The following HMBOX1 variants were observed in gnomAD, a reference collection of about 807,000 sequenced individuals.
The protein encoded by HMBOX1 is homeobox-containing protein 1.
Under a neutral mutation model 54.5 loss-of-function variants are expected in HMBOX1, and 14 were observed. That is an observed-to-expected ratio of 0.26 (90% CI 0.17 to 0.40). HMBOX1 has a LOEUF of 0.40. Among genes scored for constraint, HMBOX1 ranks in the 10% least tolerant of loss-of-function variants. The pLI is 1.00. For missense variants in HMBOX1, 332 were observed against 514.4 expected, an observed-to-expected ratio of 0.65 and a Z score of 3.43; for synonymous variants, 160 against 181.0, an observed-to-expected ratio of 0.88 and a Z score of 0.93.
At chr8:29,042,574 G>C in intron 6 of HMBOX1, 1 of 452,826 alleles carries the variant, frequency 2.2e-6, no homozygotes, top group Non-Finnish European at 4.4e-6. Flanking sequence ...GAGGGTTCCA[G>C]TTAAGGTTGA....
intron 4 of HMBOX1, among the ~76,000 whole-genome samples, chr8:28,995,843 C>A (rs1210045750): frequency 6.6e-6 from 1 of 152,188 alleles, no homozygotes; most frequent in African/African-American, 2.4e-5. Context: ...TGGCTCACGC[C>A]TGTAATCCCA....
intron 6 of HMBOX1, among the ~76,000 whole-genome samples, chr8:29,020,918 T>G (rs772971570): frequency 2.6e-5 from 4 of 152,224 alleles, no homozygotes; most frequent in African/African-American, 4.8e-5. Flanking sequence ...GGTTCACACC[T>G]ATAATTTCAG....
At chr8:28,896,449 C>G (rs1191604057) in intron 1 of HMBOX1, among the ~76,000 whole-genome samples, 1 of 149,552 alleles carries the variant, frequency 6.7e-6, no homozygotes, top group African/African-American at 2.4e-5. Context: ...TTGAATGATT[C>G]TCCTCCTCTT....
At chr8:28,898,415 C>T (rs1812577829) in intron 1 of HMBOX1, among the ~76,000 whole-genome samples, 1 of 152,058 alleles carries the variant, frequency 6.6e-6, no homozygotes, top group South Asian at 2.1e-4. Flanking sequence ...TTCTATTTGT[C>T]TTGGTGTACG....
intron 6 of HMBOX1, among the ~76,000 whole-genome samples, chr8:29,028,110 C>T (rs1417057372): frequency 6.6e-6 from 1 of 152,098 alleles, no homozygotes; most frequent in Admixed American, 6.5e-5. Flanking sequence ...AAAATATTCT[C>T]CCGGGCAAGG....
intron 6 of HMBOX1, among the ~76,000 whole-genome samples, chr8:29,024,807 G>A (rs1026065990): frequency 1.3e-5 from 2 of 152,104 alleles, no homozygotes; most frequent in African/African-American, 4.8e-5. Context: ...TTAGAGCAGG[G>A]GTCCCTAACC....
At chr8:28,897,606 G>A (rs1812400572) in intron 1 of HMBOX1, among the ~76,000 whole-genome samples, 1 of 152,172 alleles carries the variant, frequency 6.6e-6, no homozygotes, top group African/African-American at 2.4e-5. Flanking sequence ...AACCTGGGAG[G>A]CGGAGGTTGC....
chr8:28,970,120 G>C lies in HMBOX1; in HGVS notation c.101G>C (p.Arg34Pro). 6.2e-7 allele frequency: 1 copy of C among 1,613,876 alleles called. No homozygotes were observed. Among genetic ancestry groups the C allele is most frequent in the Non-Finnish European group, 8.5e-7 (1 of 1,179,936 alleles). ...CAGATAGATCTGCTTCAGCGACTTCGGCGTACTGGAATGACTAAACATGAA... is the reference window on the plus strand; with the variant it reads ...CAGATAGATCTGCTTCAGCGACTTCCGCGTACTGGAATGACTAAACATGAA... ...IEQIDLLQRL[R>P]RTGMTKHEIL... Residue 34 changes from arginine to proline, a missense_variant, in exon 3 of 10, where the codon CGG becomes CCG. Physicochemically the swap from Arg to Pro is moderately radical, Grantham distance 103. Transcript: ENST00000287701. The surrounding 1 kb of genome is among the most constrained non-coding windows in gnomAD (Gnocchi z 4.3).
intron 1 of HMBOX1, among the ~76,000 whole-genome samples, chr8:28,962,106 T>C (rs1476334840): frequency 6.6e-6 from 1 of 152,030 alleles, no homozygotes; most frequent in Non-Finnish European, 1.5e-5. Flanking sequence ...TTTTATTTAG[T>C]TCCTGATCTG....
At chr8:28,924,598 G>A (rs1262715550) in intron 1 of HMBOX1, 1 of 151,610 alleles carries the variant, frequency 6.6e-6, no homozygotes, top group Non-Finnish European at 1.5e-5. Context: ...GATCCGTTTT[G>A]AGGTGATTCT....
chr8:28,941,813 C>T (rs982304430), intron 1 of HMBOX1, among the ~76,000 whole-genome samples: 5 of 152,200 alleles, frequency 3.3e-5, no homozygotes, highest in Middle Eastern at 3.4e-3. Context: ...ATATTTTTGT[C>T]GATTGATTGC....
At chr8:29,032,310 G>C (rs1260384203) in intron 6 of HMBOX1, among the ~76,000 whole-genome samples, 1 of 151,874 alleles carries the variant, frequency 6.6e-6, no homozygotes, top group Non-Finnish European at 1.5e-5. Context: ...GTTAATATTT[G>C]TAAAACATCC....
At chr8:28,898,267 C>T (rs1812552373) in intron 1 of HMBOX1, among the ~76,000 whole-genome samples, 1 of 152,000 alleles carries the variant, frequency 6.6e-6, no homozygotes, top group African/African-American at 2.4e-5. Context: ...TAATTTGTTT[C>T]ATTAGCAGGA....
At position 28,970,241 on chromosome 8, in the gene HMBOX1, T is replaced by A. The variant is rs376798312; in HGVS notation, c.222T>A (p.Asn74Lys). 2 of 1,614,156 alleles carry A rather than the reference T, an allele frequency of 1.2e-6. No homozygotes were observed. The highest frequency in any genetic ancestry group is 1.7e-6 in the Non-Finnish European group (2 of 1,179,990). ...RSSYGGSSYGNSTNNVPASSS... is the reference protein window; with the variant it reads ...RSSYGGSSYGKSTNNVPASSS... ...GCTATGGAGGAAGTTCATATGGGAA[T>A]AGTACTAACAATGTCCCAGCATCTT... is the stretch of plus-strand genomic sequence containing the variant. Residue 74 changes from asparagine to lysine, a missense_variant, in exon 3 of 10, where the codon AAT becomes AAA. Transcript: ENST00000287701. The surrounding 1 kb of genome is among the most constrained non-coding windows in gnomAD (Gnocchi z 4.3).
At chr8:29,016,648 G>A (rs1472916925) in intron 5 of HMBOX1, among the ~76,000 whole-genome samples, 1 of 152,220 alleles carries the variant, frequency 6.6e-6, no homozygotes, top group Non-Finnish European at 1.5e-5. Flanking sequence ...AGCCTGGGCT[G>A]CAGTCATTGG....
intron 1 of HMBOX1, among the ~76,000 whole-genome samples, chr8:28,959,931 T>C (rs1439438299): frequency 2.0e-5 from 3 of 152,058 alleles, no homozygotes. Flanking sequence ...GTCATGCAGT[T>C]GCATTTATAA....
chr8:28,980,712 C>T (rs1278644882), intron 4 of HMBOX1, among the ~76,000 whole-genome samples: 1 of 152,122 alleles, frequency 6.6e-6, no homozygotes. Context: ...ATGTGTCATT[C>T]TCTATTCAGA....
chr8:29,027,795 G>A (rs977241001), intron 6 of HMBOX1, among the ~76,000 whole-genome samples: 10 of 152,170 alleles, frequency 6.6e-5, no homozygotes, highest in African/African-American at 1.7e-4. Context: ...ATTTTTAATC[G>A]AAGTGGCTGA....
intron 1 of HMBOX1, among the ~76,000 whole-genome samples, chr8:28,961,101 A>G (rs931966414): frequency 1.3e-5 from 2 of 151,848 alleles, no homozygotes; most frequent in Non-Finnish European, 2.9e-5. Context: ...TTTCTTTTAT[A>G]GGTTGCTTGT....
Sources: gnomAD v4.1 joint callset for allele counts (sites outside exome capture counted in the v4.1 genomes callset) on GRCh38, gnomAD v4.1.1 for gene constraint, Gnocchi (gnomAD v3.1) non-coding constraint, MANE v1.5 for transcripts, NCBI Gene and HGNC (gene_info 2026-07-23, HGNC 2026-07-21) for gene names.